The following RIT2 variants were observed in gnomAD, a reference collection of about 807,000 sequenced individuals.
RIT2 encodes GTP-binding protein Rit2.
A neutral mutation model predicts 23.7 loss-of-function variants in RIT2; 24 were observed. The observed-to-expected ratio is 1.01, with a 90% CI of 0.73 to 1.43. The LOEUF is 1.43. Ranked by LOEUF, RIT2 falls within the 40% of genes most tolerant of loss-of-function variation. RIT2 has a pLI of 0.00. For missense variants in RIT2, 236 were observed against 266.9 expected, an observed-to-expected ratio of 0.88 and a Z score of 0.81; for synonymous variants, 107 against 91.1, an observed-to-expected ratio of 1.17 and a Z score of -0.99.
intron 4 of RIT2, among the ~76,000 whole-genome samples, chr18:42,772,006 A>T (rs1913563587): frequency 6.6e-6 from 1 of 152,280 alleles, no homozygotes; most frequent in East Asian, 1.9e-4. Flanking sequence ...GTGATAGTGC[A>T]AGCAACTCAG....
chr18:42,881,486 A>G (rs955652726), intron 4 of RIT2, among the ~76,000 whole-genome samples: 1 of 152,180 alleles, frequency 6.6e-6, no homozygotes, highest in Non-Finnish European at 1.5e-5. Flanking sequence ...TCCTATGGAA[A>G]AGTCCAAGGC....
intron 4 of RIT2, among the ~76,000 whole-genome samples, chr18:42,826,440 C>T (rs979731763): frequency 2.0e-5 from 3 of 151,930 alleles, no homozygotes; most frequent in Non-Finnish European, 4.4e-5. Context: ...TGCAAAAAAA[C>T]ATTTCATAAA....
At chr18:42,879,683 T>C (rs923534492) in intron 4 of RIT2, among the ~76,000 whole-genome samples, 1 of 152,134 alleles carries the variant, frequency 6.6e-6, no homozygotes, top group African/African-American at 2.4e-5. Context: ...ATGTTGTTTG[T>C]TTTGGTTTCT....
chr18:42,874,702 G>A (rs1407009749), intron 4 of RIT2, among the ~76,000 whole-genome samples: 1 of 152,010 alleles, frequency 6.6e-6, no homozygotes, highest in African/African-American at 2.4e-5. Flanking sequence ...ATCATATCAT[G>A]TTATGAATCA....
At chr18:42,895,141 T>C (rs1354336675) in intron 4 of RIT2, among the ~76,000 whole-genome samples, 1 of 152,206 alleles carries the variant, frequency 6.6e-6, no homozygotes, top group Non-Finnish European at 1.5e-5. Flanking sequence ...AAGATATGAA[T>C]TGGAAACTCC....
intron 4 of RIT2, among the ~76,000 whole-genome samples, chr18:42,793,071 A>T (rs1412562541): frequency 6.6e-6 from 1 of 151,868 alleles, no homozygotes; most frequent in Non-Finnish European, 1.5e-5. Context: ...CAAAAAAAAA[A>T]TGTGTGTTTC....
chr18:43,113,060 C>A (rs1913989876), intron 1 of RIT2, among the ~76,000 whole-genome samples: 1 of 152,074 alleles, frequency 6.6e-6, no homozygotes, highest in African/African-American at 2.4e-5. Flanking sequence ...TGCCACTGCA[C>A]CCCAGCCTAG....
chr18:43,108,685 C>T (rs953023434), intron 1 of RIT2, among the ~76,000 whole-genome samples: 15 of 152,124 alleles, frequency 9.9e-5, no homozygotes, highest in African/African-American at 2.2e-4. Flanking sequence ...CAAAGCCTTT[C>T]GCCTGAATTC....
At chr18:42,776,949 G>T (rs1913686581) in intron 4 of RIT2, among the ~76,000 whole-genome samples, 1 of 152,036 alleles carries the variant, frequency 6.6e-6, no homozygotes, top group African/African-American at 2.4e-5. Context: ...GGAAAACAAA[G>T]AAATTTATTG....
chr18:43,115,297 C>T (rs561190158), intron 1 of RIT2, 120 bp downstream of exon 1: 1 of 1,278,232 alleles, frequency 7.8e-7, no homozygotes, highest in African/African-American at 1.5e-5. Flanking sequence ...CAGACCCATA[C>T]TCTGTGTTTA....
intron 3 of RIT2, among the ~76,000 whole-genome samples, chr18:42,938,917 T>C (rs1909526953): frequency 6.6e-6 from 1 of 152,064 alleles, no homozygotes; most frequent in African/African-American, 2.4e-5. Context: ...TTTTCATTTT[T>C]TAATTTTTGA....
chr18:42,986,605 G>A (rs773022127), intron 2 of RIT2, among the ~76,000 whole-genome samples: 17 of 152,056 alleles, frequency 1.1e-4, no homozygotes, highest in East Asian at 7.8e-4. Flanking sequence ...GGGTTCAAGC[G>A]ATTCTCATGC....
At chr18:43,067,449 G>GCC (rs1912797616) in intron 1 of RIT2, among the ~76,000 whole-genome samples, 1 of 152,214 alleles carries the variant, frequency 6.6e-6, no homozygotes, top group South Asian at 2.1e-4. Context: ...GCACAGCCTA[G>GCC]TTTTATACAT....
Position 42,743,559 on chromosome 18 carries a change from C to T in RIT2, c.588G>A (p.Lys196=), listed in dbSNP as rs770404405. Residue 196 remains lysine, a synonymous_variant, in exon 5 of 5, where the codon AAG becomes AAA. Transcript: ENST00000326695. ...SMPSLMEKKL[K]RKDSLWKKLK... ...GCTTCTTCCACAGGCTGTCTTTTCT[C>T]TTCAGTTTCTTTTCCATCAAGGATG... is the stretch of plus-strand genomic sequence containing the variant. 13 of 1,613,900 alleles carry T rather than the reference C, an allele frequency of 8.1e-6. No homozygotes were observed. The South Asian group carries it at 1.2e-4, about 15-fold the overall frequency.
chr18:43,050,880 G>C (rs1912364593), intron 1 of RIT2, among the ~76,000 whole-genome samples: 1 of 152,092 alleles, frequency 6.6e-6, no homozygotes, highest in Non-Finnish European at 1.5e-5. Flanking sequence ...CCTATACTTT[G>C]CCCTACGTGT....
chr18:43,061,414 T>C (rs1020648507), intron 1 of RIT2, among the ~76,000 whole-genome samples: 1 of 152,104 alleles, frequency 6.6e-6, no homozygotes, highest in Non-Finnish European at 1.5e-5. Flanking sequence ...GATATCAGAC[T>C]CTTTTTCAGG....
chr18:43,084,995 T>C (rs1344584846), intron 1 of RIT2, among the ~76,000 whole-genome samples: 1 of 152,042 alleles, frequency 6.6e-6, no homozygotes, highest in Non-Finnish European at 1.5e-5. Context: ...GAGTATCTTA[T>C]AGTTCTGTGG....
At chr18:42,905,994 A>G (rs1272322176) in intron 4 of RIT2, among the ~76,000 whole-genome samples, 1 of 8,144 alleles carries the variant, frequency 1.2e-4, no homozygotes, top group Admixed American at 1.7e-3. Context: ...ATATATATGT[A>G]TATATATATA....
At chr18:43,006,461 A>C (rs1911230319) in intron 2 of RIT2, among the ~76,000 whole-genome samples, 1 of 151,642 alleles carries the variant, frequency 6.6e-6, no homozygotes, top group African/African-American at 2.4e-5. Flanking sequence ...GTTAAAATGC[A>C]TTAAGAGCAT....
Sources: gnomAD v4.1 joint callset for allele counts (sites outside exome capture counted in the v4.1 genomes callset) on GRCh38, gnomAD v4.1.1 for gene constraint, MANE v1.5 for transcripts, NCBI Gene and HGNC (gene_info 2026-07-23, HGNC 2026-07-21) for gene names.